The following USP6NL variants were observed in gnomAD, a reference collection of about 807,000 sequenced individuals.
The protein encoded by USP6NL is USP6 N-terminal-like protein.
In USP6NL, 26 loss-of-function variants were observed where a neutral mutation model predicts 61.9. The ratio of observed to expected loss-of-function variants is 0.42; its 90% CI spans 0.31 to 0.58. The LOEUF (loss-of-function observed/expected upper bound fraction) is 0.58, where lower values mean the gene tolerates loss of function less well. Among genes scored for constraint, USP6NL ranks in the 20% least tolerant of loss-of-function variants. The probability of loss-of-function intolerance (pLI) is 0.16; values close to 1 mark genes in which losing one functional copy is unlikely to be tolerated. For synonymous variants in USP6NL, 432 were observed against 390.1 expected (o/e 1.11, Z -1.27); for missense variants, 1,114 against 1,034.3 (o/e 1.08, Z -1.06).
At chr10:11,555,495 A>C (rs886452753) in intron 2 of USP6NL, among the ~76,000 whole-genome samples, 1 of 131,488 alleles carries the variant, frequency 7.6e-6, no homozygotes, top group Non-Finnish European at 1.6e-5. Flanking sequence ...GAGAGAGAGA[A>C]GAGGAATAAA....
chr10:11,604,578 T>A (rs533583814), intron 1 of USP6NL, among the ~76,000 whole-genome samples: 1 of 152,148 alleles, frequency 6.6e-6, no homozygotes, highest in Non-Finnish European at 1.5e-5. Flanking sequence ...ATAGAATAAA[T>A]GTTTCCCAAG....
chr10:11,593,872 T>C (rs1444739986), intron 2 of USP6NL, among the ~76,000 whole-genome samples: 2 of 152,322 alleles, frequency 1.3e-5, no homozygotes, highest in African/African-American at 2.4e-5. Context: ...CCACGTGATG[T>C]ACAGCTATGA....
rs951587580 is a variant in USP6NL, at chr10:11,596,063, C to T, written c.4+1568G>A. On this transcript the variant is annotated intron_variant, in intron 2 of 14. Transcript: ENST00000609104. The surrounding 1 kb of genome is among the most constrained non-coding windows in gnomAD (Gnocchi z 4.1). ...CTAGGGTAAGCAGTATACAAGACAC[C>T]ATCAAACACCGAAATTCAAACATGA... 6.6e-6 allele frequency among the ~76,000 whole-genome samples: 1 copy of T among 152,086 alleles called. No individual in the cohort carries two copies. Among genetic ancestry groups the T allele is most frequent in the African/African-American group, 2.4e-5 (1 of 41,404 alleles).
intron 6 of USP6NL, among the ~76,000 whole-genome samples, chr10:11,506,173 A>G (rs1280681298): frequency 6.6e-6 from 1 of 151,798 alleles, no homozygotes. Flanking sequence ...CAGTCAGTTA[A>G]AAAAAAATGG....
chr10:11,597,629 A>C lies in USP6NL; in HGVS notation c.4+2T>G, dbSNP rs766641481. The C allele has an allele frequency of 1.9e-6, 3 of 1,551,604 alleles. No individual in the cohort carries two copies. The highest frequency in any genetic ancestry group is 2.4e-5 in the South Asian group (2 of 84,056). On this transcript the variant is annotated splice_donor_variant, in intron 2 of 14. Transcript: ENST00000609104. LOFTEE classifies it high-confidence loss of function. This position sits in a 1 kb window ranked among gnomAD's most constrained non-coding sequence, Gnocchi z 4.6. ...TGGAAGGAAAGGAAGCAGCGCACTT[A>C]CTCATGACTGGAAATGGGTCTGAAT...
At chr10:11,507,000 A>G in intron 6 of USP6NL, among the ~76,000 whole-genome samples, 1 of 152,196 alleles carries the variant, frequency 6.6e-6, no homozygotes, top group East Asian at 1.9e-4. Context: ...ATTGGGCCAC[A>G]TATATCATCA....
At chr10:11,594,540 T>C (rs1566206004) in intron 2 of USP6NL, among the ~76,000 whole-genome samples, 1 of 152,120 alleles carries the variant, frequency 6.6e-6, no homozygotes, top group Non-Finnish European at 1.5e-5. Context: ...CCCAATTTCG[T>C]CTCCTCCACC....
In USP6NL at chr10:11,474,688, T is replaced by C. The variant is rs950471971; in HGVS notation, c.1078+7082A>G. 1.2e-4 allele frequency among the ~76,000 whole-genome samples: 19 copies of C among 152,168 alleles called. No homozygotes were observed. Among genetic ancestry groups the C allele is most frequent in the Non-Finnish European group, 8.8e-5 (6 of 68,036 alleles). Reference sequence around the variant, plus strand: ...ATCCTGTGCATAGAAAATTTGTCCTTGAATTAATGATTTTTTTTAAAAAAA... The same window carrying C: ...ATCCTGTGCATAGAAAATTTGTCCTCGAATTAATGATTTTTTTTAAAAAAA... On this transcript the variant is annotated intron_variant, in intron 14 of 14. Transcript: ENST00000609104. The surrounding 1 kb of genome is among the most constrained non-coding windows in gnomAD (Gnocchi z 4.9).
chr10:11,583,393 G>T (rs184334446), intron 2 of USP6NL, among the ~76,000 whole-genome samples: 1 of 151,690 alleles, frequency 6.6e-6, no homozygotes, highest in African/African-American at 2.4e-5. Flanking sequence ...GGGTTTCACC[G>T]TGTTAGCCAG....
At chr10:11,527,370 A>G in intron 3 of USP6NL, 130 bp downstream of exon 3, 1 of 732,458 alleles carries the variant, frequency 1.4e-6, no homozygotes, top group Non-Finnish European at 2.3e-6. Context: ...GTCAGCGAAG[A>G]TGATCTCTAT....
At position 11,525,027 on chromosome 10, in the gene USP6NL, C is replaced by A. The variant is rs931801505; in HGVS notation, c.155+359G>T. On this transcript the variant is annotated intron_variant, in intron 4 of 14. Transcript: ENST00000609104. This position sits in a 1 kb window ranked among gnomAD's most constrained non-coding sequence, Gnocchi z 5.0. ...AGGCTAATTTTCAGGCTGCATAACA[C>A]TAAAGTTCGAATTGCTATTTATTTT... is the stretch of plus-strand genomic sequence containing the variant. 2.6e-5 allele frequency among the ~76,000 whole-genome samples: 4 copies of A among 152,092 alleles called. No individual in the cohort carries two copies. Among genetic ancestry groups the A allele is most frequent in the Non-Finnish European group, 5.9e-5 (4 of 67,998 alleles).
At chr10:11,560,640 TA>T (rs1379868331) in intron 2 of USP6NL, among the ~76,000 whole-genome samples, 1 of 146,064 alleles carries the variant, frequency 6.8e-6, no homozygotes, top group African/African-American at 2.5e-5. Context: ...CTCAAGTAAC[TA>T]AAACACAGCT....
chr10:11,518,662 C>G lies in USP6NL; in HGVS notation c.156-88G>C. ...TATACTTATAGATACATATGACATA[C>G]AATATTTATTTGTCATCACAAGAGT... On this transcript the variant is annotated intron_variant, in intron 4 of 14. Coordinates refer to ENST00000609104, the MANE Select transcript of USP6NL (RefSeq NM_014688.5). This position sits in a 1 kb window ranked among gnomAD's most constrained non-coding sequence, Gnocchi z 5.3. 1 of 972,714 alleles carries G rather than the reference C, an allele frequency of 1.0e-6. No homozygotes were observed. The highest frequency in any genetic ancestry group is 1.6e-6 in the Non-Finnish European group (1 of 631,738). 60.3% of individuals were successfully genotyped at this position (972,714 alleles called of 1,614,324 possible).
intron 2 of USP6NL, among the ~76,000 whole-genome samples, chr10:11,583,282 G>T (rs1046565870): frequency 6.7e-6 from 1 of 148,878 alleles, no homozygotes; most frequent in African/African-American, 2.5e-5. Context: ...TCCGCCTCCC[G>T]GGTTCACGCC....
intron 6 of USP6NL, among the ~76,000 whole-genome samples, chr10:11,503,980 A>G (rs2133319287): frequency 6.6e-6 from 1 of 152,312 alleles, no homozygotes; most frequent in South Asian, 2.1e-4. Context: ...GAAAGTATCA[A>G]GAAAGCCCAA....
At chr10:11,550,314 A>G (rs1355512501) in intron 2 of USP6NL, among the ~76,000 whole-genome samples, 1 of 152,244 alleles carries the variant, frequency 6.6e-6, no homozygotes, top group Admixed American at 6.5e-5. Flanking sequence ...AGGGATATAA[A>G]TAAGAAAATG....
At chr10:11,606,286 G>T (rs1018272854) in intron 1 of USP6NL, among the ~76,000 whole-genome samples, 2 of 152,064 alleles carry the variant, frequency 1.3e-5, no homozygotes, top group Non-Finnish European at 2.9e-5. Context: ...ATGAAATAAA[G>T]ATACTCTTAA....
At chr10:11,527,682 T>C (rs1289555138) in intron 2 of USP6NL, 115 bp from the exon 3 acceptor site, 1 of 894,256 alleles carries the variant, frequency 1.1e-6, no homozygotes, top group Non-Finnish European at 1.7e-6. Flanking sequence ...AAATGACAAA[T>C]CAACAAAATC....
chr10:11,464,892 C>G (rs541574565), intron 14 of USP6NL, among the ~76,000 whole-genome samples: 2 of 152,218 alleles, frequency 1.3e-5, no homozygotes, highest in African/African-American at 4.8e-5. Flanking sequence ...CTTGAAATGC[C>G]AGGAATGGAG....
Sources: allele counts gnomAD v4.1 joint callset (sites outside exome capture counted in the v4.1 genomes callset), GRCh38; gene constraint gnomAD v4.1.1; non-coding constraint Gnocchi (gnomAD v3.1); transcripts MANE v1.5; gene names NCBI Gene and HGNC (gene_info 2026-07-23, HGNC 2026-07-21).